The following CRYZL1 variants were observed in gnomAD, a reference collection of about 807,000 sequenced individuals.
CRYZL1 encodes the protein crystallin zeta like 1.
Under a neutral mutation model 50.6 loss-of-function variants are expected in CRYZL1, and 34 were observed. The observed-to-expected ratio is 0.67, with a 90% CI of 0.51 to 0.89. The LOEUF is 0.89. Among genes scored for constraint, CRYZL1 ranks in the 40% least tolerant of loss-of-function variants. The pLI is 0.00. For synonymous variants in CRYZL1, 125 were observed against 134.3 expected (o/e 0.93, Z 0.48); for missense variants, 354 against 402.3 (o/e 0.88, Z 1.03).
intron 5 of CRYZL1, among the ~76,000 whole-genome samples, chr21:33,614,139 T>C (rs2086902158): frequency 6.9e-6 from 1 of 144,896 alleles, no homozygotes; most frequent in Non-Finnish European, 1.5e-5. Context: ...ACCACTGCAT[T>C]CCAGCCCGGC....
At chr21:33,596,859 A>AT (rs1172291584) in intron 10 of CRYZL1, among the ~76,000 whole-genome samples, 1 of 150,228 alleles carries the variant, frequency 6.7e-6, no homozygotes. Context: ...TATTTTTCAG[A>AT]TTTTTTTCTT....
intron 8 of CRYZL1, among the ~76,000 whole-genome samples, chr21:33,600,943 T>TTTTTTG (rs1365233006): frequency 8.5e-6 from 1 of 116,976 alleles, no homozygotes; most frequent in East Asian, 2.5e-4. Flanking sequence ...GTTTTTTTTT[T>TTTTTTG]TTTTTTTTTT....
At chr21:33,635,261 C>T (rs1437947951) in intron 1 of CRYZL1, among the ~76,000 whole-genome samples, 1 of 151,516 alleles carries the variant, frequency 6.6e-6, no homozygotes, top group Non-Finnish European at 1.5e-5. Flanking sequence ...TGTTTTTTGT[C>T]TCACACTCTG....
At chr21:33,611,709 C>T (rs2086874559) in intron 6 of CRYZL1, among the ~76,000 whole-genome samples, 1 of 152,070 alleles carries the variant, frequency 6.6e-6, no homozygotes, top group South Asian at 2.1e-4. Context: ...TAATGAATTC[C>T]AGCATAAGAA....
chr21:33,616,884 A>C, intron 4 of CRYZL1, 134 bp from the exon 5 acceptor site: 7 of 698,270 alleles, frequency 1.0e-5, no homozygotes, highest in East Asian at 3.0e-5. Flanking sequence ...AAGGACCAAA[A>C]TGTCAATAAC....
At chr21:33,638,668 CA>C (rs2145968648) in intron 1 of CRYZL1, among the ~76,000 whole-genome samples, 1 of 152,294 alleles carries the variant, frequency 6.6e-6, no homozygotes, top group South Asian at 2.1e-4. Flanking sequence ...TGCACAACTG[CA>C]GTGCTCTTTT....
intron 1 of CRYZL1, among the ~76,000 whole-genome samples, chr21:33,634,151 G>A (rs76387608): frequency 0.012 from 1,850 of 152,330 alleles, 15 homozygotes; most frequent in Admixed American, 0.02. Flanking sequence ...TAACGCTTTG[G>A]TTGCAGAAGG....
intron 6 of CRYZL1, among the ~76,000 whole-genome samples, chr21:33,606,478 T>C (rs977760731): frequency 5.3e-5 from 8 of 150,978 alleles, no homozygotes; most frequent in Admixed American, 3.3e-4. Context: ...ATACAAAAAT[T>C]AGCCAGGCAT....
At chr21:33,607,794 CCT>C (rs994545579) in intron 6 of CRYZL1, among the ~76,000 whole-genome samples, 1 of 152,108 alleles carries the variant, frequency 6.6e-6, no homozygotes, top group African/African-American at 2.4e-5. Flanking sequence ...GAAATTATTC[CCT>C]TTTACAAAAG....
intron 6 of CRYZL1, among the ~76,000 whole-genome samples, chr21:33,605,289 T>C (rs954094725): frequency 6.6e-6 from 1 of 152,056 alleles, no homozygotes; most frequent in South Asian, 2.1e-4. Context: ...TTTAACAGTA[T>C]CTTTAAAAAA....
intron 1 of CRYZL1, chr21:33,640,115 C>G: frequency 6.5e-7 from 1 of 1,541,620 alleles, no homozygotes; most frequent in African/African-American, 1.4e-5. Flanking sequence ...CGTGAGCCAC[C>G]ACGCTCGGCC....
intron 8 of CRYZL1, among the ~76,000 whole-genome samples, chr21:33,601,347 T>A (rs1158101235): frequency 2.6e-5 from 4 of 152,094 alleles, no homozygotes; most frequent in Admixed American, 1.3e-4. Flanking sequence ...GTCACAAGCA[T>A]AATGTAACAG....
Position 33,621,994 on chromosome 21 carries a change from A to T in CRYZL1, c.217+2T>A. The T allele has an allele frequency of 6.3e-7, 1 of 1,592,610 alleles. No individual in the cohort carries two copies. Among genetic ancestry groups the T allele is most frequent in the Non-Finnish European group, 8.6e-7 (1 of 1,160,780 alleles). The stretch of plus-strand genomic sequence containing the variant: ...TACATATACTCACATCTGTATACTT[A>T]CCATCTAATACAATTCCAGCAATTT... On this transcript the variant is annotated splice_donor_variant, in intron 4 of 12. Coordinates refer to ENST00000381554, the MANE Select transcript of CRYZL1 (RefSeq NM_145858.3). LOFTEE classifies it high-confidence loss of function.
At chr21:33,641,108 C>G in intron 1 of CRYZL1, 1 of 1,543,860 alleles carries the variant, frequency 6.5e-7, no homozygotes, top group Non-Finnish European at 8.7e-7. Flanking sequence ...ACGTGGACAG[C>G]AGCACCTGGG....
intron 1 of CRYZL1, chr21:33,641,099 C>A: frequency 6.5e-7 from 1 of 1,539,726 alleles, no homozygotes; most frequent in South Asian, 1.2e-5. Flanking sequence ...CTACTCATAA[C>A]GTGGACAGCA....
intron 11 of CRYZL1, chr21:33,595,352 C>A: frequency 7.8e-7 from 1 of 1,286,916 alleles, no homozygotes; most frequent in Non-Finnish European, 1.0e-6. Flanking sequence ...AGTAAGTGTG[C>A]AACCTTTCAA....
chr21:33,596,089 G>T (rs2086690468), intron 10 of CRYZL1: 1 of 608,290 alleles, frequency 1.6e-6, no homozygotes, highest in Non-Finnish European at 3.1e-6. Flanking sequence ...AGGGGTGTGT[G>T]TGTGTCTTTT....
chr21:33,600,819 A>G (rs1321208125), intron 8 of CRYZL1, among the ~76,000 whole-genome samples: 3 of 149,758 alleles, frequency 2.0e-5, no homozygotes, highest in South Asian at 2.1e-4. Flanking sequence ...TAATAGAGAC[A>G]GGTTTCACCA....
intron 5 of CRYZL1, among the ~76,000 whole-genome samples, chr21:33,614,716 C>G (rs1369173727): frequency 6.6e-6 from 1 of 152,038 alleles, no homozygotes; most frequent in African/African-American, 2.4e-5. Flanking sequence ...GGATTACAGG[C>G]GTGCACCACC....
Sources: allele counts gnomAD v4.1 joint callset (sites outside exome capture counted in the v4.1 genomes callset), GRCh38; gene constraint gnomAD v4.1.1; transcripts MANE v1.5; gene names NCBI Gene and HGNC (gene_info 2026-07-23, HGNC 2026-07-21).